KHDRBS2: variants seen among roughly 807,000 people sequenced by gnomAD.
The protein encoded by KHDRBS2 is KH RNA binding domain containing, signal transduction associated 2.
Under a neutral mutation model 44.3 loss-of-function variants are expected in KHDRBS2, and 26 were observed. That is an observed-to-expected ratio of 0.59 (90% CI 0.43 to 0.81). The LOEUF (loss-of-function observed/expected upper bound fraction) is 0.81, where lower values mean the gene tolerates loss of function less well. Ranked by LOEUF, KHDRBS2 falls within the 40% of genes least tolerant of loss-of-function variation. The pLI is 0.00. For missense variants in KHDRBS2, 476 were observed against 433.1 expected, an observed-to-expected ratio of 1.10 and a Z score of -0.88; for synonymous variants, 194 against 151.1, an observed-to-expected ratio of 1.28 and a Z score of -2.08.
At chr6:61,646,980 C>G in the KHDRBS2 span, among the ~76,000 whole-genome samples, 2 of 151,846 alleles carry the variant, frequency 1.3e-5, no homozygotes, top group East Asian at 1.9e-4. Flanking sequence ...CCACCATGCC[C>G]GGCTAATTTT....
At chr6:62,128,597 G>A (rs73758677) in intron 2 of KHDRBS2, among the ~76,000 whole-genome samples, 1,547 of 151,098 alleles carry the variant, frequency 0.01, 32 homozygotes, top group African/African-American at 0.035. Context: ...TTTTTATGGC[G>A]AATGTAGAAG....
At chr6:61,771,943 C>A (rs1780990782) in intron 6 of KHDRBS2, among the ~76,000 whole-genome samples, 1 of 152,164 alleles carries the variant, frequency 6.6e-6, no homozygotes, top group Non-Finnish European at 1.5e-5. Context: ...GGAAGTAAAG[C>A]ACTCTTCAGC....
the KHDRBS2 span, among the ~76,000 whole-genome samples, chr6:61,591,258 T>C: frequency 3.3e-5 from 5 of 152,170 alleles, no homozygotes; most frequent in African/African-American, 1.2e-4. Context: ...ACTAAGAATA[T>C]GTGCCTATTC....
the KHDRBS2 span, among the ~76,000 whole-genome samples, chr6:61,627,199 G>A: frequency 7.5e-6 from 1 of 133,340 alleles, no homozygotes; most frequent in Non-Finnish European, 1.5e-5. Flanking sequence ...CTTGCAGTGA[G>A]CCGAGATCGC....
intron 2 of KHDRBS2, among the ~76,000 whole-genome samples, chr6:62,111,866 A>C (rs1382180945): frequency 1.3e-5 from 2 of 152,016 alleles, no homozygotes; most frequent in Non-Finnish European, 2.9e-5. Context: ...TAGGTGACAG[A>C]TTGAGACCCT....
chr6:62,276,666 G>A (rs1840986260), intron 1 of KHDRBS2, among the ~76,000 whole-genome samples: 1 of 152,088 alleles, frequency 6.6e-6, no homozygotes, highest in South Asian at 2.1e-4. Flanking sequence ...ACTTTTATAA[G>A]CTATACTTAT....
At chr6:61,991,720 C>T (rs6908169) in intron 3 of KHDRBS2, among the ~76,000 whole-genome samples, 74,332 of 151,932 alleles carry the variant, frequency 0.49, 19,488 homozygotes, top group Non-Finnish European at 0.58. Flanking sequence ...TATCAGTTTC[C>T]GGGAGGACAT....
intron 6 of KHDRBS2, among the ~76,000 whole-genome samples, chr6:61,869,964 G>GTTTTTTTTTTTTTTTTTTTTTTTTTTT (rs59518436): frequency 3.2e-4 from 35 of 109,002 alleles, no homozygotes; most frequent in African/African-American, 1.3e-3. Context: ...CTGCAGGAGT[G>GTTTTTTTTTTTTTTTTTTTTTTTTTTT]TTTTTTTTTT....
intron 7 of KHDRBS2, among the ~76,000 whole-genome samples, chr6:61,706,956 A>AAC (rs1769681792): frequency 6.6e-6 from 1 of 150,542 alleles, no homozygotes; most frequent in African/African-American, 2.5e-5. Context: ...ACAAAAACAA[A>AAC]AACAAAACAG....
rs1316094830 is a variant in KHDRBS2 at position 61,782,746 on chromosome 6, CACATAT to C, written c.811-49988_811-49983del. ...ATATATATATATATATATACACACA[CACATAT>C]ACATATACATATACATATATGTCTG... On this transcript the variant is annotated intron_variant, in intron 6 of 8. Coordinates refer to ENST00000281156, the MANE Select transcript of KHDRBS2 (RefSeq NM_152688.4). Among the ~76,000 whole-genome samples, 19 of 135,166 alleles carry C rather than the reference CACATAT, an allele frequency of 1.4e-4. 1 individual carries two copies. Among genetic ancestry groups the C allele is most frequent in the African/African-American group, 3.0e-4 (11 of 36,668 alleles). 88.7% of individuals were successfully genotyped at this position (135,166 alleles called of 152,430 possible). A position where few individuals can be genotyped will look rare whatever the true frequency, so the allele number is the denominator to read the frequency against.
chr6:62,060,627 C>CTA (rs1364800677), intron 2 of KHDRBS2, among the ~76,000 whole-genome samples: 189 of 149,622 alleles, frequency 1.3e-3, no homozygotes, highest in African/African-American at 2.1e-3. Context: ...CTCTCTCTCT[C>CTA]TCTCTCTATA....
the KHDRBS2 span, among the ~76,000 whole-genome samples, chr6:61,602,828 T>C: frequency 6.6e-6 from 1 of 152,142 alleles, no homozygotes; most frequent in Non-Finnish European, 1.5e-5. Context: ...TAAGCACTCC[T>C]TTTTAGTTAT....
At chr6:62,048,135 C>T (rs1788141595) in intron 2 of KHDRBS2, 141 bp from the exon 3 acceptor site, 34 of 591,040 alleles carry the variant, frequency 5.8e-5, no homozygotes, top group African/African-American at 4.5e-4. Flanking sequence ...CACACACACA[C>T]ACACACACAC....
At chr6:61,899,372 C>A (rs925902207) in intron 5 of KHDRBS2, among the ~76,000 whole-genome samples, 2 of 151,820 alleles carry the variant, frequency 1.3e-5, no homozygotes, top group Non-Finnish European at 2.9e-5. Context: ...TTAATGCTAG[C>A]ACCACTAATG....
intron 6 of KHDRBS2, among the ~76,000 whole-genome samples, chr6:61,759,351 T>C (rs1778946092): frequency 6.6e-6 from 1 of 152,178 alleles, no homozygotes; most frequent in African/African-American, 2.4e-5. Context: ...TTTATGTGCT[T>C]CTTAAAAACT....
the KHDRBS2 span, among the ~76,000 whole-genome samples, chr6:61,650,401 A>T: frequency 6.0e-5 from 6 of 99,676 alleles, no homozygotes; most frequent in South Asian, 1.1e-3. Flanking sequence ...TGCTTTTTTT[A>T]AAAAAATGTT....
chr6:62,278,833 G>A (rs1268615171), intron 1 of KHDRBS2, among the ~76,000 whole-genome samples: 1 of 152,156 alleles, frequency 6.6e-6, no homozygotes, highest in South Asian at 2.1e-4. Flanking sequence ...GGTGGCTCAC[G>A]TCTGTAATCC....
chr6:62,108,067 T>G (rs1019257036), intron 2 of KHDRBS2, among the ~76,000 whole-genome samples: 5 of 152,032 alleles, frequency 3.3e-5, no homozygotes, highest in African/African-American at 1.2e-4. Context: ...CCAAAAGCAA[T>G]GGCAACAAAA....
At chr6:61,600,564 C>T in the KHDRBS2 span, among the ~76,000 whole-genome samples, 2 of 152,086 alleles carry the variant, frequency 1.3e-5, no homozygotes, top group East Asian at 1.9e-4. Flanking sequence ...CCCACCTGCA[C>T]CCAGGAGATT....
Sources: gnomAD v4.1 joint callset for allele counts (sites outside exome capture counted in the v4.1 genomes callset) on GRCh38, gnomAD v4.1.1 for gene constraint, MANE v1.5 for transcripts, NCBI Gene and HGNC (gene_info 2026-07-23, HGNC 2026-07-21) for gene names.